The following LDLRAD3 variants were observed in gnomAD, a reference collection of about 807,000 sequenced individuals.
LDLRAD3 encodes the protein low-density lipoprotein receptor class A domain-containing protein 3.
Under a neutral mutation model 29.4 loss-of-function variants are expected in LDLRAD3, and 20 were observed. The observed-to-expected ratio is 0.68, with a 90% CI of 0.48 to 0.99. The LOEUF (loss-of-function observed/expected upper bound fraction) is 0.99, where lower values mean the gene tolerates loss of function less well. LDLRAD3 is among the 50% of genes least tolerant of loss of function. The pLI, the probability that LDLRAD3 is intolerant of heterozygous loss-of-function variation, is 0.00. For synonymous variants in LDLRAD3, 157 were observed against 192.7 expected, an observed-to-expected ratio of 0.81 and a Z score of 1.53; for missense variants, 420 against 454.3, an observed-to-expected ratio of 0.92 and a Z score of 0.69.
chr11:35,957,300 A>G (rs1475965451), intron 1 of LDLRAD3, among the ~76,000 whole-genome samples: 1 of 152,226 alleles, frequency 6.6e-6, no homozygotes, highest in Non-Finnish European at 1.5e-5. Context: ...TACGAGTACA[A>G]GAAGTCTCCC....
chr11:36,027,093 A>C (rs892118569), intron 1 of LDLRAD3, among the ~76,000 whole-genome samples: 1 of 152,116 alleles, frequency 6.6e-6, no homozygotes, highest in African/African-American at 2.4e-5. Context: ...TGTGAGCTTC[A>C]CTAGGAGTTG....
intron 4 of LDLRAD3, among the ~76,000 whole-genome samples, chr11:36,140,989 G>GCTTT (rs1410626118): frequency 7.5e-4 from 32 of 42,630 alleles, no homozygotes; most frequent in African/African-American, 1.7e-3. Context: ...GTGCTGTTGA[G>GCTTT]CTTTCTCTCT....
intron 4 of LDLRAD3, among the ~76,000 whole-genome samples, chr11:36,217,238 T>C (rs1423535027): frequency 6.6e-6 from 1 of 152,184 alleles, no homozygotes; most frequent in Non-Finnish European, 1.5e-5. Context: ...CATGTTGACA[T>C]GTTTCAGAGT....
chr11:36,097,964 C>G (rs953790353), intron 3 of LDLRAD3, among the ~76,000 whole-genome samples: 3 of 152,158 alleles, frequency 2.0e-5, no homozygotes, highest in Non-Finnish European at 4.4e-5. Flanking sequence ...AGTTAATGTT[C>G]CTAAGAATGA....
At chr11:36,041,912 C>T (rs1182976658) in intron 2 of LDLRAD3, among the ~76,000 whole-genome samples, 1 of 151,924 alleles carries the variant, frequency 6.6e-6, no homozygotes, top group Non-Finnish European at 1.5e-5. Flanking sequence ...AATTTGAGGA[C>T]TTTGTTAAAT....
At chr11:36,121,039 G>T (rs948281632) in intron 4 of LDLRAD3, among the ~76,000 whole-genome samples, 3 of 152,088 alleles carry the variant, frequency 2.0e-5, no homozygotes, top group African/African-American at 7.2e-5. Context: ...CTGGTCCATG[G>T]TATTTTGTTA....
intron 4 of LDLRAD3, among the ~76,000 whole-genome samples, chr11:36,219,305 T>A (rs59137935): frequency 2.0e-5 from 3 of 151,706 alleles, no homozygotes; most frequent in African/African-American, 7.3e-5. Context: ...TTCTATATTA[T>A]TTTTTTTTAA....
intron 4 of LDLRAD3, among the ~76,000 whole-genome samples, chr11:36,187,876 C>T (rs931095598): frequency 1.3e-5 from 2 of 152,156 alleles, no homozygotes; most frequent in Admixed American, 6.5e-5. Flanking sequence ...GATTGAATTT[C>T]AAGAGATGAA....
At chr11:36,126,315 C>G (rs992129124) in intron 4 of LDLRAD3, among the ~76,000 whole-genome samples, 1 of 152,180 alleles carries the variant, frequency 6.6e-6, no homozygotes, top group Non-Finnish European at 1.5e-5. Context: ...GCACCATTTA[C>G]CTTCTCCAGC....
At chr11:36,040,418 G>A (rs1248806983) in intron 2 of LDLRAD3, among the ~76,000 whole-genome samples, 2 of 152,018 alleles carry the variant, frequency 1.3e-5, no homozygotes, top group African/African-American at 2.4e-5. Flanking sequence ...TCTCATTCAG[G>A]CTTTTCCCCA....
chr11:36,161,881 TGA>T (rs1854445207), intron 4 of LDLRAD3, among the ~76,000 whole-genome samples: 1 of 152,204 alleles, frequency 6.6e-6, no homozygotes, highest in Non-Finnish European at 1.5e-5. Context: ...AATGTTTAAA[TGA>T]ATGAGATGCA....
chr11:36,017,966 T>G (rs2133194665), intron 1 of LDLRAD3, among the ~76,000 whole-genome samples: 1 of 152,304 alleles, frequency 6.6e-6, no homozygotes, highest in East Asian at 1.9e-4. Context: ...GAAACTTCAG[T>G]TTTTCAGTCA....
chr11:36,030,319 C>T (rs1852219952), intron 1 of LDLRAD3, among the ~76,000 whole-genome samples: 1 of 152,208 alleles, frequency 6.6e-6, no homozygotes, highest in South Asian at 2.1e-4. Flanking sequence ...CCTTCTGTCA[C>T]TGATGCTACT....
intron 1 of LDLRAD3, among the ~76,000 whole-genome samples, chr11:35,958,791 C>G (rs1441426254): frequency 6.6e-6 from 1 of 152,132 alleles, no homozygotes; most frequent in Non-Finnish European, 1.5e-5. Context: ...TCATTGAGAT[C>G]GATGGGAGAG....
At chr11:36,048,003 C>G (rs556384888) in intron 2 of LDLRAD3, among the ~76,000 whole-genome samples, 88 of 149,504 alleles carry the variant, frequency 5.9e-4, no homozygotes, top group African/African-American at 2.0e-3. Context: ...AAAGTGCTGG[C>G]TCCTGGTGCA....
At chr11:36,144,925 A>G (rs1484533216) in intron 4 of LDLRAD3, among the ~76,000 whole-genome samples, 1 of 85,122 alleles carries the variant, frequency 1.2e-5, no homozygotes, top group Non-Finnish European at 2.4e-5. Flanking sequence ...GGCCGCCCCT[A>G]CTGGGAAGTG....
chr11:36,157,270 A>G (rs1854367996), intron 4 of LDLRAD3, among the ~76,000 whole-genome samples: 1 of 152,086 alleles, frequency 6.6e-6, no homozygotes, highest in Non-Finnish European at 1.5e-5. Flanking sequence ...GAACATTAAT[A>G]ATTTCCTGCT....
Position 36,073,008 on chromosome 11 carries a change from C to G in LDLRAD3, c.194-8645C>G, listed in dbSNP as rs149937993. Among the ~76,000 whole-genome samples the G allele has an allele frequency of 3.9e-4, 38 of 98,052 alleles. No individual in the cohort carries two copies. In the East Asian group the frequency reaches 0.01, roughly 26 times the overall value. 64.3% of individuals were successfully genotyped at this position (98,052 alleles called of 152,430 possible). Reference sequence around the variant, plus strand: ...CCCTTTCAGGGTGGAGAGTTCTTTACTCTGAGACTTTGCCTTCCTGTATTT... The same window carrying G: ...CCCTTTCAGGGTGGAGAGTTCTTTAGTCTGAGACTTTGCCTTCCTGTATTT... On this transcript the variant is annotated intron_variant, in intron 2 of 5. Coordinates refer to ENST00000315571, the MANE Select transcript of LDLRAD3 (RefSeq NM_174902.4).
At chr11:36,226,156 G>A (rs1855495970) in intron 4 of LDLRAD3, among the ~76,000 whole-genome samples, 1 of 152,182 alleles carries the variant, frequency 6.6e-6, no homozygotes, top group Non-Finnish European at 1.5e-5. Context: ...GTATAGCTAT[G>A]TTCAGGGGCC....
Sources: allele counts gnomAD v4.1 joint callset (sites outside exome capture counted in the v4.1 genomes callset), GRCh38; gene constraint gnomAD v4.1.1; transcripts MANE v1.5; gene names NCBI Gene and HGNC (gene_info 2026-07-23, HGNC 2026-07-21).